ZFYVE9: variants seen among roughly 807,000 people sequenced by gnomAD.
ZFYVE9 encodes the protein zinc finger FYVE-type containing 9.
ZFYVE9 carries 43 observed loss-of-function variants against 126.7 expected under a neutral mutation model. The ratio of observed to expected loss-of-function variants is 0.34; its 90% confidence interval spans 0.27 to 0.44. The LOEUF (loss-of-function observed/expected upper bound fraction) is 0.44. Ranked by LOEUF, ZFYVE9 falls within the 20% of genes least tolerant of loss-of-function variation. The pLI is 1.00. For synonymous variants in ZFYVE9, 521 were observed against 597.4 expected (o/e 0.87, Z 1.87); for missense variants, 1,476 against 1,697.0 (o/e 0.87, Z 2.29).
chr1:52,175,198 T>G (rs1432536673), intron 1 of ZFYVE9, among the ~76,000 whole-genome samples: 1 of 151,680 alleles, frequency 6.6e-6, no homozygotes, highest in Non-Finnish European at 1.5e-5. Flanking sequence ...AGGGCAGGCC[T>G]GGTGGTGACA....
intron 13 of ZFYVE9, among the ~76,000 whole-genome samples, chr1:52,319,198 G>A (rs773958939): frequency 4.6e-5 from 7 of 152,154 alleles, no homozygotes; most frequent in African/African-American, 9.7e-5. Context: ...ATTGTTACGA[G>A]AATTTAAAGA....
intron 1 of ZFYVE9, among the ~76,000 whole-genome samples, chr1:52,174,191 C>G (rs1165223952): frequency 6.6e-6 from 1 of 152,154 alleles, no homozygotes; most frequent in Admixed American, 6.5e-5. Context: ...CCCAGAGATT[C>G]TGGTATGTTG....
intron 13 of ZFYVE9, among the ~76,000 whole-genome samples, chr1:52,326,351 A>C (rs1646291791): frequency 6.6e-6 from 1 of 152,198 alleles, no homozygotes; most frequent in Admixed American, 6.5e-5. Context: ...TTTATTTAAC[A>C]AATTGTTTGT....
intron 1 of ZFYVE9, among the ~76,000 whole-genome samples, chr1:52,198,501 A>G (rs1373803217): frequency 6.6e-6 from 1 of 152,124 alleles, no homozygotes; most frequent in African/African-American, 2.4e-5. Flanking sequence ...TTCAAATTTG[A>G]TGTGGTTAAA....
At chr1:52,180,398 C>G (rs1644686746) in intron 1 of ZFYVE9, 1 of 1,516,824 alleles carries the variant, frequency 6.6e-7, no homozygotes, top group Admixed American at 1.7e-5. Context: ...GCGGCATTAA[C>G]CTGACAAGAG....
intron 1 of ZFYVE9, among the ~76,000 whole-genome samples, chr1:52,184,220 T>TAG (rs1044651082): frequency 1.4e-5 from 2 of 143,216 alleles, no homozygotes; most frequent in African/African-American, 5.3e-5. Context: ...TTTATATATA[T>TAG]AGATATATAT....
chr1:52,195,857 A>T (rs573070927), intron 1 of ZFYVE9, among the ~76,000 whole-genome samples: 9 of 151,214 alleles, frequency 6.0e-5, no homozygotes, highest in Non-Finnish European at 1.0e-4. Context: ...CAGTGGCCCG[A>T]TCTCAGCACA....
chr1:52,246,646 C>T (rs1020875086), intron 4 of ZFYVE9, among the ~76,000 whole-genome samples: 2 of 150,928 alleles, frequency 1.3e-5, no homozygotes, highest in South Asian at 2.1e-4. Flanking sequence ...ATCCTCCCAC[C>T]TCAGCCTCCT....
At chr1:52,248,013 G>GAT (rs998861829) in intron 4 of ZFYVE9, among the ~76,000 whole-genome samples, 67 of 151,920 alleles carry the variant, frequency 4.4e-4, no homozygotes, top group African/African-American at 1.3e-3. Context: ...GAGATATATA[G>GAT]ATATATATAT....
chr1:52,219,890 G>T (rs1363641373), intron 2 of ZFYVE9, among the ~76,000 whole-genome samples: 2 of 151,490 alleles, frequency 1.3e-5, no homozygotes, highest in African/African-American at 4.9e-5. Flanking sequence ...CAATTCTCCT[G>T]CCTTGGCCTC....
chr1:52,310,303 A>C (rs12092215), intron 13 of ZFYVE9, among the ~76,000 whole-genome samples: 4,611 of 152,288 alleles, frequency 0.03, 169 homozygotes, highest in African/African-American at 0.087. Flanking sequence ...TGTATTAACT[A>C]ATAATAAATA....
intron 13 of ZFYVE9, among the ~76,000 whole-genome samples, chr1:52,314,131 C>T (rs571139509): frequency 1.3e-5 from 2 of 152,158 alleles, no homozygotes; most frequent in East Asian, 3.9e-4. Flanking sequence ...ACCCCAATTG[C>T]AAGAAACAGG....
At chr1:52,153,498 C>T (rs1313249286) in intron 1 of ZFYVE9, among the ~76,000 whole-genome samples, 1 of 152,192 alleles carries the variant, frequency 6.6e-6, no homozygotes. Flanking sequence ...TGCATTTGCC[C>T]ATTCATAGTC....
intron 1 of ZFYVE9, among the ~76,000 whole-genome samples, chr1:52,202,107 C>T (rs1264903645): frequency 1.3e-5 from 2 of 152,066 alleles, no homozygotes; most frequent in Admixed American, 6.5e-5. Context: ...GATATAATCT[C>T]CTTCACTTTT....
chr1:52,162,076 T>C (rs1644466218), intron 1 of ZFYVE9: 1 of 144,350 alleles, frequency 6.9e-6, no homozygotes, highest in African/African-American at 2.6e-5. Flanking sequence ...TCTTAAAGAC[T>C]AGGAAGAATC....
intron 7 of ZFYVE9, 140 bp downstream of exon 7, chr1:52,268,772 A>T: frequency 9.9e-7 from 1 of 1,014,942 alleles, no homozygotes; most frequent in Non-Finnish European, 1.4e-6. Flanking sequence ...GGATAAAGTA[A>T]ATGTGGCAAA....
intron 1 of ZFYVE9, among the ~76,000 whole-genome samples, chr1:52,157,426 A>C: frequency 1.3e-5 from 1 of 74,798 alleles, no homozygotes; most frequent in East Asian, 5.1e-4. Flanking sequence ...TTTGAGATGG[A>C]GTCTCACTCT....
chr1:52,228,653 C>G (rs1022811488), intron 2 of ZFYVE9, among the ~76,000 whole-genome samples: 3 of 152,164 alleles, frequency 2.0e-5, no homozygotes, highest in Non-Finnish European at 4.4e-5. Flanking sequence ...CCTAAGAGAA[C>G]AAGTAAGGGC....
At chr1:52,250,675 C>G (rs534624604) in intron 4 of ZFYVE9, among the ~76,000 whole-genome samples, 1 of 150,870 alleles carries the variant, frequency 6.6e-6, no homozygotes, top group Admixed American at 6.6e-5. Flanking sequence ...AGTATGTATC[C>G]TTGTCTTGTT....
Sources: gnomAD v4.1 joint callset for allele counts (sites outside exome capture counted in the v4.1 genomes callset) on GRCh38, gnomAD v4.1.1 for gene constraint, MANE v1.5 for transcripts, NCBI Gene and HGNC (gene_info 2026-07-23, HGNC 2026-07-21) for gene names.